XPNPEP1: variants seen among roughly 807,000 people sequenced by gnomAD.
XPNPEP1 encodes the protein X-prolyl aminopeptidase 1, also known as xaa-Pro aminopeptidase 1.
Under a neutral mutation model 92.4 loss-of-function variants are expected in XPNPEP1, and 39 were observed. The ratio of observed to expected loss-of-function variants is 0.42; its 90% confidence interval spans 0.33 to 0.55. The LOEUF is 0.55. Ranked by LOEUF, XPNPEP1 falls within the 20% of genes least tolerant of loss-of-function variation. XPNPEP1 has a pLI of 0.08. For synonymous variants in XPNPEP1, 307 were observed against 299.4 expected, an observed-to-expected ratio of 1.03 and a Z score of -0.26; for missense variants, 654 against 856.1, an observed-to-expected ratio of 0.76 and a Z score of 2.95.
At chr10:109,905,595 A>G (rs1849517182) in intron 3 of XPNPEP1, among the ~76,000 whole-genome samples, 1 of 152,176 alleles carries the variant, frequency 6.6e-6, no homozygotes, top group Non-Finnish European at 1.5e-5. Context: ...TTTAATGGAT[A>G]TAAAGTTTCA....
chr10:109,900,701 C>T (rs1476026247), intron 3 of XPNPEP1, among the ~76,000 whole-genome samples: 1 of 152,158 alleles, frequency 6.6e-6, no homozygotes, highest in Non-Finnish European at 1.5e-5. Flanking sequence ...TTTCTCAATT[C>T]CCAGAGTCTC....
intron 3 of XPNPEP1, among the ~76,000 whole-genome samples, chr10:109,902,812 C>A (rs1043820446): frequency 6.6e-6 from 1 of 152,194 alleles, no homozygotes; most frequent in Non-Finnish European, 1.5e-5. Flanking sequence ...CAGATTAGAG[C>A]CTCAGTTTCC....
intron 5 of XPNPEP1, 142 bp downstream of exon 5, chr10:109,891,578 ATT>A (rs112429910): frequency 2.1e-5 from 11 of 516,028 alleles, no homozygotes; most frequent in South Asian, 9.4e-5. Context: ...TAGGCATGCC[ATT>A]TTTTTTTTTC....
intron 3 of XPNPEP1, among the ~76,000 whole-genome samples, chr10:109,906,066 G>A (rs552051395): frequency 6.6e-6 from 1 of 152,302 alleles, no homozygotes; most frequent in African/African-American, 2.4e-5. Context: ...CAGGAAGTCA[G>A]CCAGCCAGAA....
chr10:109,868,807 AG>A, intron 19 of XPNPEP1, 95 bp from the exon 20 acceptor site: 3 of 1,189,554 alleles, frequency 2.5e-6, no homozygotes, highest in Non-Finnish European at 3.7e-6. Context: ...CCTCAGAGCC[AG>A]GGGTAACTGG....
At chr10:109,907,237 A>T (rs1478021938) in intron 3 of XPNPEP1, among the ~76,000 whole-genome samples, 1 of 152,208 alleles carries the variant, frequency 6.6e-6, no homozygotes, top group Non-Finnish European at 1.5e-5. Flanking sequence ...CACCATAACC[A>T]CAGTGTAAGC....
chr10:109,891,601 T>C (rs1330076447), intron 5 of XPNPEP1, 121 bp downstream of exon 5: 3 of 778,736 alleles, frequency 3.9e-6, no homozygotes, highest in African/African-American at 1.8e-5. Context: ...TCAGTTTTCC[T>C]TGGATTCTCA....
chr10:109,864,954 G>T lies in XPNPEP1; in HGVS notation c.*230C>A. On this transcript the variant is annotated 3_prime_UTR_variant, in exon 21 of 21. Transcript: ENST00000502935. Reference sequence around the variant, plus strand: ...CAACTTTGGAGGGACCCTCCTTCTGGTGCAGCAATTTTATTCTTGGCTTGT... The same window carrying T: ...CAACTTTGGAGGGACCCTCCTTCTGTTGCAGCAATTTTATTCTTGGCTTGT... 1.7e-6 allele frequency: 1 copy of T among 603,550 alleles called. No homozygotes were observed. Among genetic ancestry groups the T allele is most frequent in the Non-Finnish European group, 2.7e-6 (1 of 372,534 alleles). 37.4% of individuals were successfully genotyped at this position (603,550 alleles called of 1,614,324 possible).
chr10:109,912,578 T>G (rs768308305), intron 2 of XPNPEP1, among the ~76,000 whole-genome samples: 5 of 152,232 alleles, frequency 3.3e-5, no homozygotes, highest in Non-Finnish European at 7.3e-5. Flanking sequence ...GTGGCACTGG[T>G]TGAAAAGGCA....
At position 109,870,713 on chromosome 10, in the gene XPNPEP1, T is replaced by C; in HGVS notation, c.1696+18A>G. The C allele has an allele frequency of 6.2e-7, 1 of 1,612,430 alleles. No homozygotes were observed. The highest frequency in any genetic ancestry group is 8.5e-7 in the Non-Finnish European group (1 of 1,178,846). On this transcript the variant is annotated intron_variant, in intron 18 of 20. Transcript: ENST00000502935. ...GGCTCAAGGATCCACGCATGCCCTC[T>C]ATGTGAGGGACACTTACCATCAGTG...
intron 7 of XPNPEP1, 149 bp from the exon 8 acceptor site, chr10:109,886,490 C>G (rs1382729964): frequency 2.8e-6 from 2 of 722,566 alleles, no homozygotes; most frequent in African/African-American, 1.8e-5. Flanking sequence ...GATTCAAGCC[C>G]TATACAAGAA....
At chr10:109,921,305 C>G (rs751196343) in intron 1 of XPNPEP1, among the ~76,000 whole-genome samples, 1 of 152,232 alleles carries the variant, frequency 6.6e-6, no homozygotes. Flanking sequence ...AGCGTTCCAG[C>G]CTCCCAACAT....
chr10:109,884,794 T>C (rs907173868), intron 8 of XPNPEP1, among the ~76,000 whole-genome samples: 43 of 152,354 alleles, frequency 2.8e-4, no homozygotes, highest in African/African-American at 9.4e-4. Flanking sequence ...GCTGAACGTC[T>C]GAGAACTAGA....
Position 109,880,186 on chromosome 10 carries a change from A to C in XPNPEP1, c.1182+2T>G. On this transcript the variant is annotated splice_donor_variant, in intron 12 of 20. Transcript: ENST00000502935. LOFTEE classifies it high-confidence loss of function. The stretch of plus-strand genomic sequence containing the variant: ...CATATTAAACAAAGACTAAGAACCA[A>C]CCTCTTTCTCCAGCCAGTTAAAGAG... 2 of 1,613,936 alleles carry C rather than the reference A, an allele frequency of 1.2e-6. No homozygotes were observed. The highest frequency in any genetic ancestry group is 1.7e-6 in the Non-Finnish European group (2 of 1,179,976).
Position 109,882,620 on chromosome 10 carries a change from T to C in XPNPEP1, c.853A>G (p.Ile285Val). Residue 285 changes from isoleucine to valine, a missense_variant, in exon 10 of 21, where the codon ATA (isoleucine) becomes GTA (valine). By Grantham distance (29) the Ile-to-Val change is conservative. Transcript: ENST00000502935. ...TGCTCCTTCACACTGGGGGCGTCTA[T>C]GCGGTCACCATCAATGAAGAGCCTG... ...TIMLFIDGDR[I>V]DAPSVKEHLL... 2.5e-6 allele frequency: 4 copies of C among 1,614,120 alleles called. No homozygotes were observed. The South Asian group carries it at 3.3e-5, about 13-fold the overall frequency.
At position 109,875,585 on chromosome 10, in the gene XPNPEP1, G is replaced by A. The variant is rs763090479; in HGVS notation, c.1334C>T (p.Thr445Met). 16 of 1,613,958 alleles carry A rather than the reference G, an allele frequency of 9.9e-6. No homozygotes were observed. The highest frequency in any genetic ancestry group is 5.5e-5 in the South Asian group (5 of 91,074). ...CTCATCCAGGGACAAGGTCCTATTCGTCTCAGGGACTGGCCTAACAAAGTT... is the reference window on the plus strand; with the variant it reads ...CTCATCCAGGGACAAGGTCCTATTCATCTCAGGGACTGGCCTAACAAAGTT... ...AIIHYAPVPE[T>M]NRTLSLDEVY... is the part of the protein sequence containing the mutation. The change falls in exon 15 of 21, where the codon ACG (threonine) becomes ATG (methionine). Residue 445 changes from threonine (T) to methionine (M), a missense_variant. Transcript: ENST00000502935.
intron 9 of XPNPEP1, 131 bp from the exon 10 acceptor site, chr10:109,882,773 C>T: frequency 1.1e-6 from 1 of 947,012 alleles, no homozygotes; most frequent in South Asian, 1.7e-5. Context: ...CTCCTCCCCA[C>T]TCCTTTCCCA....
chr10:109,896,085 C>A (rs1394427572), intron 3 of XPNPEP1, among the ~76,000 whole-genome samples: 1 of 152,152 alleles, frequency 6.6e-6, no homozygotes, highest in Non-Finnish European at 1.5e-5. Flanking sequence ...TGCCTCAAGG[C>A]CTTGGCACAT....
chr10:109,900,509 C>T (rs1341962625), intron 3 of XPNPEP1, among the ~76,000 whole-genome samples: 1 of 152,174 alleles, frequency 6.6e-6, no homozygotes, highest in Non-Finnish European at 1.5e-5. Context: ...CTGTTGATGG[C>T]ACCACAAACA....
Sources: gnomAD v4.1 joint callset for allele counts (sites outside exome capture counted in the v4.1 genomes callset) on GRCh38, gnomAD v4.1.1 for gene constraint, MANE v1.5 for transcripts, NCBI Gene and HGNC (gene_info 2026-07-23, HGNC 2026-07-21) for gene names.